The following SPIRE1 variants were observed in gnomAD, a reference collection of about 807,000 sequenced individuals.
The protein encoded by SPIRE1 is spire type actin nucleation factor 1.
A neutral mutation model predicts 94.1 loss-of-function variants in SPIRE1; 40 were observed. The ratio of observed to expected loss-of-function variants is 0.43; its 90% CI spans 0.33 to 0.55. SPIRE1 has a LOEUF of 0.55. Ranked by LOEUF, SPIRE1 falls within the 20% of genes least tolerant of loss-of-function variation. The pLI is 0.06. For missense variants in SPIRE1, 838 were observed against 975.2 expected (o/e 0.86, Z 1.87); for synonymous variants, 376 against 371.7 (o/e 1.01, Z -0.13).
At chr18:12,619,671 C>T (rs1010864046) in intron 2 of SPIRE1, among the ~76,000 whole-genome samples, 2 of 151,400 alleles carry the variant, frequency 1.3e-5, no homozygotes, top group African/African-American at 4.8e-5. Flanking sequence ...CACAGTGAAA[C>T]CCTGTCTCTA....
At chr18:12,503,244 A>G (rs1394369436) in intron 6 of SPIRE1, among the ~76,000 whole-genome samples, 4 of 152,182 alleles carry the variant, frequency 2.6e-5, no homozygotes, top group Non-Finnish European at 5.9e-5. Context: ...ACCTACTACC[A>G]TAAAATCTGG....
At chr18:12,540,647 A>T in intron 3 of SPIRE1, among the ~76,000 whole-genome samples, 1 of 152,176 alleles carries the variant, frequency 6.6e-6, no homozygotes, top group South Asian at 2.1e-4. Flanking sequence ...AAATGCTGGG[A>T]TTACAGGCGT....
intron 4 of SPIRE1, among the ~76,000 whole-genome samples, chr18:12,528,056 CAA>C (rs149869128): frequency 0.018 from 2,443 of 138,334 alleles, 63 homozygotes; most frequent in African/African-American, 0.057. Context: ...GACTCTATCT[CAA>C]AAAAAAAAAA....
At chr18:12,656,070 TG>T (rs2038530203) in intron 1 of SPIRE1, among the ~76,000 whole-genome samples, 1 of 152,174 alleles carries the variant, frequency 6.6e-6, no homozygotes, top group Non-Finnish European at 1.5e-5. Flanking sequence ...GGCTAATTTT[TG>T]TATTTTTAAT....
intron 2 of SPIRE1, among the ~76,000 whole-genome samples, chr18:12,590,253 C>T (rs1171655872): frequency 6.6e-6 from 1 of 151,980 alleles, no homozygotes; most frequent in African/African-American, 2.4e-5. Context: ...ACGCCTGGCT[C>T]ATTTTTTTGT....
intron 4 of SPIRE1, among the ~76,000 whole-genome samples, chr18:12,520,306 G>A (rs2034322725): frequency 6.6e-6 from 1 of 152,014 alleles, no homozygotes; most frequent in Non-Finnish European, 1.5e-5. Context: ...AAATAGAAGG[G>A]TACAATTTAA....
intron 12 of SPIRE1, among the ~76,000 whole-genome samples, chr18:12,462,315 G>T (rs1434475021): frequency 1.3e-5 from 2 of 152,116 alleles, no homozygotes; most frequent in Non-Finnish European, 2.9e-5. Context: ...CTTAAAAAAT[G>T]GACTTAGTAT....
chr18:12,453,172 T>C, intron 13 of SPIRE1, 34 bp from the exon 14 acceptor site: 1 of 1,471,182 alleles, frequency 6.8e-7, no homozygotes, highest in Non-Finnish European at 9.4e-7. Flanking sequence ...AAAAAAAACA[T>C]TGCCAACAGC....
Position 12,604,255 on chromosome 18 carries a change from G to A in SPIRE1, c.372+30807C>T, listed in dbSNP as rs571647598. Among the ~76,000 whole-genome samples the A allele has an allele frequency of 9.2e-5, 14 of 152,198 alleles. No homozygotes were observed. In the East Asian group the frequency reaches 2.1e-3, roughly 23 times the overall value. On this transcript the variant is annotated intron_variant, in intron 2 of 16. Transcript: ENST00000409402. The stretch of plus-strand genomic sequence containing the variant: ...TTGGTGCTCAAAGTGGGGGTCAGTC[G>A]TGTGAGGCTGAGCACTCTCACCCTG...
At chr18:12,596,581 T>A (rs1050310579) in intron 2 of SPIRE1, among the ~76,000 whole-genome samples, 2 of 152,114 alleles carry the variant, frequency 1.3e-5, no homozygotes, top group African/African-American at 4.8e-5. Flanking sequence ...CCACACAAGA[T>A]CCTCACTGTG....
chr18:12,605,227 T>A (rs1035468216), intron 2 of SPIRE1, among the ~76,000 whole-genome samples: 1 of 152,174 alleles, frequency 6.6e-6, no homozygotes, highest in African/African-American at 2.4e-5. Flanking sequence ...ATCATAATTT[T>A]AAAATAAAAG....
At chr18:12,582,091 C>A (rs1363995079) in intron 2 of SPIRE1, among the ~76,000 whole-genome samples, 2 of 152,064 alleles carry the variant, frequency 1.3e-5, no homozygotes, top group Admixed American at 1.3e-4. Flanking sequence ...CATAGCAGAC[C>A]AAAATCAAAA....
At chr18:12,571,437 C>T in intron 2 of SPIRE1, among the ~76,000 whole-genome samples, 1 of 152,146 alleles carries the variant, frequency 6.6e-6, no homozygotes, top group Admixed American at 6.5e-5. Context: ...AGTCTGCCAT[C>T]TAACACATTA....
chr18:12,511,190 C>T (rs1598425448), intron 5 of SPIRE1, among the ~76,000 whole-genome samples: 1 of 152,282 alleles, frequency 6.6e-6, no homozygotes, highest in South Asian at 2.1e-4. Flanking sequence ...TTAATTTATA[C>T]ACAAGAATAT....
At position 12,657,994 on chromosome 18, in the gene SPIRE1, G is replaced by GA; in HGVS notation, c.-129_-128insT. On this transcript the variant is annotated 5_prime_UTR_variant, in exon 1 of 17. Transcript: ENST00000409402. ...GCCGCCGCCCAACGCGGCCGCGCGC[G>GA]CCGCCGCCGGGACCAGGCGAGTGCC... 1.0e-6 allele frequency: 1 copy of GA among 993,858 alleles called. No individual in the cohort carries two copies. The highest frequency in any genetic ancestry group is 1.7e-5 in the African/African-American group (1 of 57,192). 61.6% of individuals were successfully genotyped at this position (993,858 alleles called of 1,614,324 possible).
chr18:12,615,346 ATATATAT>A (rs1335204987), intron 2 of SPIRE1, among the ~76,000 whole-genome samples: 3 of 20,454 alleles, frequency 1.5e-4, no homozygotes, highest in Admixed American at 5.0e-4. Context: ...AAAAAAAAAA[ATATATAT>A]ATATATATAT....
chr18:12,545,352 A>G (rs998488965), intron 3 of SPIRE1, among the ~76,000 whole-genome samples: 17 of 152,214 alleles, frequency 1.1e-4, no homozygotes, highest in Non-Finnish European at 1.0e-4. Flanking sequence ...TAACTTGTAT[A>G]GTTCTTTCCA....
intron 1 of SPIRE1, among the ~76,000 whole-genome samples, chr18:12,637,550 T>G (rs1239042617): frequency 6.6e-6 from 1 of 152,176 alleles, no homozygotes; most frequent in African/African-American, 2.4e-5. Context: ...CTGGGAGTCA[T>G]GACTTACACT....
chr18:12,657,555 G>T lies in SPIRE1; in HGVS notation c.312C>A (p.Asp104Glu). The change falls in exon 1 of 17, where the codon GAC becomes GAA. Residue 104 changes from aspartate to glutamate, a missense_variant. This residue lies in a region of SPIRE1 where 193 missense variants were observed against 170.5 expected (regional missense o/e 1.13). Transcript: ENST00000409402. ...GAVTLAPAAD[D>E]AGEPPPVAGK... is the part of the protein sequence containing the mutation. The stretch of plus-strand genomic sequence containing the variant: ...CCGCAACTGGGGGCGGCTCTCCCGC[G>T]TCGTCGGCCGCGGGCGCCAGGGTGA... The T allele has an allele frequency of 8.1e-7, 1 of 1,236,284 alleles. No homozygotes were observed. Among genetic ancestry groups the T allele is most frequent in the Non-Finnish European group, 1.0e-6 (1 of 990,508 alleles). 76.6% of individuals were successfully genotyped at this position (1,236,284 alleles called of 1,614,324 possible). A position where few individuals can be genotyped will look rare whatever the true frequency, so the allele number is the denominator to read the frequency against.
Sources: gnomAD v4.1 joint callset for allele counts (sites outside exome capture counted in the v4.1 genomes callset) on GRCh38, gnomAD v4.1.1 for gene constraint, gnomAD v4.1.1 regional missense constraint, MANE v1.5 for transcripts, NCBI Gene and HGNC (gene_info 2026-07-23, HGNC 2026-07-21) for gene names.